Variants in CUX2 observed in about 807,000 individuals in gnomAD.
CUX2 encodes cut like homeobox 2, also known as homeobox protein cut-like 2.
Under a neutral mutation model 144.8 loss-of-function variants are expected in CUX2, and 40 were observed. The ratio of observed to expected loss-of-function variants is 0.28; its 90% CI spans 0.21 to 0.36. CUX2 has a LOEUF of 0.36. CUX2 is among the 10% of genes least tolerant of loss of function. The pLI is 1.00. For missense variants in CUX2, 1,615 were observed against 1,994.0 expected (o/e 0.81, Z 3.62); for synonymous variants, 827 against 875.6 (o/e 0.94, Z 0.98).
chr12:111,183,341 C>T (rs996460906), intron 1 of CUX2, among the ~76,000 whole-genome samples: 2 of 152,242 alleles, frequency 1.3e-5, no homozygotes, highest in Non-Finnish European at 2.9e-5. Flanking sequence ...GCTCCTGCTT[C>T]ATCTTCATGG....
At chr12:111,251,044 AG>A in intron 3 of CUX2, among the ~76,000 whole-genome samples, 1 of 152,320 alleles carries the variant, frequency 6.6e-6, no homozygotes, top group Non-Finnish European at 1.5e-5. Context: ...TTTATTTGCA[AG>A]GCGCTAAAGA....
At chr12:111,080,991 C>T (rs1189276245) in intron 1 of CUX2, among the ~76,000 whole-genome samples, 4 of 152,142 alleles carry the variant, frequency 2.6e-5, no homozygotes, top group Non-Finnish European at 5.9e-5. Flanking sequence ...CTGTAACTGT[C>T]GGCTCCTAAA....
At chr12:111,268,427 G>C (rs921941075) in intron 4 of CUX2, among the ~76,000 whole-genome samples, 1 of 152,206 alleles carries the variant, frequency 6.6e-6, no homozygotes, top group Non-Finnish European at 1.5e-5. Flanking sequence ...ACAGGTTCCA[G>C]GCGTTAGGAC....
At chr12:111,325,362 G>C (rs1887725973) in intron 18 of CUX2, among the ~76,000 whole-genome samples, 2 of 151,926 alleles carry the variant, frequency 1.3e-5, no homozygotes, top group Admixed American at 1.3e-4. Flanking sequence ...ATAGCACCAA[G>C]TGGTCAAAGT....
rs758064019 is a variant in CUX2 at position 111,077,364 on chromosome 12, C to A, written c.63+43124C>A. 4.6e-5 allele frequency among the ~76,000 whole-genome samples: 7 copies of A among 152,086 alleles called. No individual in the cohort carries two copies. Among genetic ancestry groups the A allele is most frequent in the Non-Finnish European group, 1.0e-4 (7 of 68,022 alleles). On this transcript the variant is annotated intron_variant, in intron 1 of 21. Transcript: ENST00000261726. The surrounding 1 kb of genome is among the most constrained non-coding windows in gnomAD (Gnocchi z 4.1). ...CTCCCAGACCCCGAGTGTCTTGAAC[C>A]CTAGCCTCTGGGGACTGGCGCGGCC...
chr12:111,050,792 C>T (rs896250297), intron 1 of CUX2, among the ~76,000 whole-genome samples: 1 of 152,206 alleles, frequency 6.6e-6, no homozygotes, highest in Non-Finnish European at 1.5e-5. Context: ...CTTTTGACCA[C>T]AGCAGCAAGT....
intron 18 of CUX2, among the ~76,000 whole-genome samples, chr12:111,326,861 C>G (rs1157448266): frequency 2.0e-5 from 3 of 152,086 alleles, no homozygotes; most frequent in Non-Finnish European, 4.4e-5. Context: ...CCGGATGGCA[C>G]CACTGCACTG....
At chr12:111,249,648 G>A (rs991034589) in intron 3 of CUX2, among the ~76,000 whole-genome samples, 1 of 151,662 alleles carries the variant, frequency 6.6e-6, no homozygotes, top group East Asian at 1.9e-4. Flanking sequence ...GTAGAGACAG[G>A]GTTTCACCAT....
chr12:111,091,896 AG>A (rs1172685412), intron 1 of CUX2, among the ~76,000 whole-genome samples: 1 of 152,236 alleles, frequency 6.6e-6, no homozygotes, highest in Non-Finnish European at 1.5e-5. Context: ...TATAAGGACA[AG>A]GGTCGCTAGA....
intron 18 of CUX2, among the ~76,000 whole-genome samples, chr12:111,329,180 C>A (rs1156309462): frequency 1.3e-5 from 2 of 151,168 alleles, no homozygotes; most frequent in African/African-American, 4.9e-5. Flanking sequence ...CTGGAACTTT[C>A]TGTAGTAAAA....
intron 1 of CUX2, among the ~76,000 whole-genome samples, chr12:111,192,393 G>T (rs1205186807): frequency 6.6e-6 from 1 of 152,084 alleles, no homozygotes; most frequent in East Asian, 1.9e-4. Flanking sequence ...GCCTCTCAAA[G>T]TGCTGGGATT....
chr12:111,162,656 AC>A (rs1877855097), intron 1 of CUX2, among the ~76,000 whole-genome samples: 1 of 152,188 alleles, frequency 6.6e-6, no homozygotes, highest in African/African-American at 2.4e-5. Flanking sequence ...TGTTTCTTGA[AC>A]CCATAATTGG....
In CUX2 at chr12:111,320,576, G is replaced by A. The variant is rs1251261035; in HGVS notation, c.2567G>A (p.Gly856Asp). The A allele has an allele frequency of 1.3e-6, 2 of 1,528,946 alleles. No individual in the cohort carries two copies. Among genetic ancestry groups the A allele is most frequent in the Non-Finnish European group, 1.7e-6 (2 of 1,146,244 alleles). The allele number at this position is 1,528,946 out of a possible 1,614,324, so 94.7% of individuals were successfully genotyped here. ...PPRTGELKAE[G>D]ATAEAGARLP... ...AGGACGGGCGAGCTCAAGGCTGAGG[G>A]CGCGACGGCCGAGGCGGGCGCGCGG... is the stretch of plus-strand genomic sequence containing the variant. The change falls in exon 17 of 22, where the codon GGC (glycine) becomes GAC (aspartate). Residue 856 changes from glycine to aspartate, a missense_variant. Physicochemically the swap from Gly to Asp is moderately conservative, Grantham distance 94 (BLOSUM62 -1). Transcript: ENST00000261726. The surrounding 1 kb of genome is among the most constrained non-coding windows in gnomAD (Gnocchi z 8.1).
chr12:111,046,868 G>A (rs1197284070), intron 1 of CUX2, among the ~76,000 whole-genome samples: 3 of 152,212 alleles, frequency 2.0e-5, no homozygotes, highest in Non-Finnish European at 4.4e-5. Flanking sequence ...CGTCGGCCAG[G>A]CTGGTCTTGA....
intron 1 of CUX2, among the ~76,000 whole-genome samples, chr12:111,038,303 C>T (rs1436154552): frequency 6.6e-6 from 1 of 152,230 alleles, no homozygotes; most frequent in Non-Finnish European, 1.5e-5. Context: ...CAAAATTCCT[C>T]TTTCTATAGA....
chr12:111,310,018 G>T lies in CUX2; in HGVS notation c.1259-23G>T. 1 of 1,283,370 alleles carries T rather than the reference G, an allele frequency of 7.8e-7. No individual in the cohort carries two copies. Among genetic ancestry groups the T allele is most frequent in the Non-Finnish European group, 9.8e-7 (1 of 1,016,572 alleles). The allele number at this position is 1,283,370 out of a possible 1,614,324, so 79.5% of individuals were successfully genotyped here. A position where few individuals can be genotyped will look rare whatever the true frequency, so the allele number is the denominator to read the frequency against. ...CATCGTCTTCCCCGTCTGTCTGTCT[G>T]TCTGTCTGTCTGGGTGTTCTAGAGG... On this transcript the variant is annotated intron_variant, in intron 14 of 21. Transcript: ENST00000261726. The surrounding 1 kb of genome is among the most constrained non-coding windows in gnomAD (Gnocchi z 7.9).
chr12:111,266,944 C>T (rs1286398471), intron 4 of CUX2, among the ~76,000 whole-genome samples: 4 of 152,160 alleles, frequency 2.6e-5, no homozygotes, highest in Admixed American at 6.5e-5. Context: ...GCCTGTAATG[C>T]CAGCACTTTG....
At chr12:111,177,791 C>G (rs954739664) in intron 1 of CUX2, among the ~76,000 whole-genome samples, 1 of 152,174 alleles carries the variant, frequency 6.6e-6, no homozygotes, top group Non-Finnish European at 1.5e-5. Context: ...AGGGCTGGCC[C>G]GAGGCCTGGG....
intron 1 of CUX2, among the ~76,000 whole-genome samples, chr12:111,041,615 C>A (rs1462146506): frequency 1.3e-5 from 2 of 152,208 alleles, no homozygotes; most frequent in African/African-American, 4.8e-5. Flanking sequence ...CCTAAGAAAT[C>A]TAGGTGACCA....
Sources: allele counts gnomAD v4.1 joint callset (sites outside exome capture counted in the v4.1 genomes callset), GRCh38; gene constraint gnomAD v4.1.1; non-coding constraint Gnocchi (gnomAD v3.1); transcripts MANE v1.5; gene names NCBI Gene and HGNC (gene_info 2026-07-23, HGNC 2026-07-21).